Variants in TRMT9B observed in about 807,000 individuals in gnomAD.
TRMT9B encodes probable tRNA methyltransferase 9B.
Under a neutral mutation model 11.5 loss-of-function variants are expected in TRMT9B, and 16 were observed. That is an observed-to-expected ratio of 1.39 (90% CI 0.94 to 2.11). The LOEUF is 2.11. Among genes scored for constraint, TRMT9B ranks in the 30% most tolerant of loss-of-function variants. The pLI is 0.00. For synonymous variants in TRMT9B, 274 were observed against 192.4 expected (o/e 1.42, Z -3.51); for missense variants, 941 against 553.8 (o/e 1.70, Z -7.02).
At chr8:12,999,733 A>T (rs996712764) in intron 2 of TRMT9B, among the ~76,000 whole-genome samples, 3 of 152,206 alleles carry the variant, frequency 2.0e-5, no homozygotes, top group Non-Finnish European at 4.4e-5. Context: ...AATACTTTAC[A>T]GCACATGACA....
chr8:12,956,761 A>G (rs1046247377), intron 1 of TRMT9B, among the ~76,000 whole-genome samples: 2 of 152,228 alleles, frequency 1.3e-5, no homozygotes, highest in African/African-American at 4.8e-5. Flanking sequence ...AATAGACATG[A>G]CTTGTTTATT....
At chr8:12,999,643 A>G (rs1189045633) in intron 2 of TRMT9B, among the ~76,000 whole-genome samples, 4 of 152,230 alleles carry the variant, frequency 2.6e-5, no homozygotes. Flanking sequence ...GCTAGATATT[A>G]TGGGCTAACC....
At chr8:12,995,564 TC>T (rs1808190439) in intron 2 of TRMT9B, among the ~76,000 whole-genome samples, 3 of 152,154 alleles carry the variant, frequency 2.0e-5, no homozygotes, top group African/African-American at 7.2e-5. Context: ...TCCTTGCACT[TC>T]CCCTGGTTTC....
intron 4 of TRMT9B, among the ~76,000 whole-genome samples, chr8:13,019,520 C>T (rs1789393832): frequency 6.6e-6 from 1 of 152,188 alleles, no homozygotes; most frequent in South Asian, 2.1e-4. Context: ...TCTCAAACTC[C>T]TGGCCTCAAG....
chr8:12,946,708 A>T (rs1251802351), intron 1 of TRMT9B, among the ~76,000 whole-genome samples: 1 of 152,204 alleles, frequency 6.6e-6, no homozygotes, highest in Non-Finnish European at 1.5e-5. Context: ...GGGAGATTAT[A>T]TAGAGAGAAA....
intron 3 of TRMT9B, among the ~76,000 whole-genome samples, chr8:13,008,125 C>G (rs1277242595): frequency 6.6e-6 from 1 of 152,180 alleles, no homozygotes; most frequent in Non-Finnish European, 1.5e-5. Flanking sequence ...AAGCTTGTTG[C>G]ATATGTGTTT....
At chr8:12,952,291 G>A (rs372629544) in intron 1 of TRMT9B, 1 of 382,026 alleles carries the variant, frequency 2.6e-6, no homozygotes, top group South Asian at 1.7e-5. Flanking sequence ...CCCGCCCGCA[G>A]GGAGGAGGGG....
At chr8:12,968,577 G>GT (rs1463024174) in intron 1 of TRMT9B, among the ~76,000 whole-genome samples, 13 of 152,206 alleles carry the variant, frequency 8.5e-5, no homozygotes, top group African/African-American at 3.1e-4. Context: ...TCTTAAGAGA[G>GT]TGACATTTGG....
chr8:12,967,777 G>A (rs1803023567), intron 1 of TRMT9B, among the ~76,000 whole-genome samples: 1 of 152,214 alleles, frequency 6.6e-6, no homozygotes, highest in Non-Finnish European at 1.5e-5. Flanking sequence ...TGATCAGTGG[G>A]ACAAAGCTTA....
At chr8:12,993,787 C>T (rs979312299) in intron 2 of TRMT9B, among the ~76,000 whole-genome samples, 9 of 152,198 alleles carry the variant, frequency 5.9e-5, no homozygotes, top group African/African-American at 2.2e-4. Context: ...CACTGGGGTA[C>T]ATGCTGTGAT....
chr8:13,022,024 A>C lies in TRMT9B; in HGVS notation c.1345A>C (p.Lys449Gln). The C allele has an allele frequency of 6.3e-7, 1 of 1,594,808 alleles. No homozygotes were observed. The highest frequency in any genetic ancestry group is 8.5e-7 in the Non-Finnish European group (1 of 1,172,030). ...DHGNWCIIAE[K>Q]KRGCD is the part of the protein sequence containing the mutation. ...TGGTAACTGGTGTATCATTGCAGAG[A>C]AAAAGAGAGGTTGTGATTGATTGGA... Residue 449 changes from lysine (K) to glutamine (Q), a missense_variant, in exon 5 of 5, where the codon AAA (lysine) becomes CAA (glutamine). By Grantham distance (53) the Lys-to-Gln change is moderately conservative (BLOSUM62 1). Transcript: ENST00000524591.
chr8:12,998,489 T>C (rs2128883783), intron 2 of TRMT9B, among the ~76,000 whole-genome samples: 1 of 152,292 alleles, frequency 6.6e-6, no homozygotes, highest in African/African-American at 2.4e-5. Context: ...AAACTCAAGA[T>C]AGAGGTAATA....
At position 12,976,963 on chromosome 8, in the gene TRMT9B, G is replaced by C. The variant is rs141216822; in HGVS notation, c.-199-13871G>C. Among the ~76,000 whole-genome samples the C allele has an allele frequency of 7.8e-4, 119 of 152,316 alleles. No individual in the cohort carries two copies. The East Asian group carries it at 0.02, about 25-fold the overall frequency. ...CTCCTGCTGCCTCCTCCCAAATCCT[G>C]CCTATGCCTGCTCATGCCCCAGATG... On this transcript the variant is annotated intron_variant, in intron 1 of 4. Transcript: ENST00000524591.
Position 13,012,431 on chromosome 8 carries a change from C to T in TRMT9B, c.155-253C>T, listed in dbSNP as rs574287639. The T allele has an allele frequency of 2.6e-4, 117 of 454,394 alleles. 1 individual carries two copies. Among genetic ancestry groups the T allele is most frequent in the African/African-American group, 2.2e-3 (106 of 47,888 alleles). 28.1% of individuals were successfully genotyped at this position (454,394 alleles called of 1,614,324 possible). ...TCTCTACTAAAAATACAAAATTATC[C>T]GGTCATGGTGGCACGCGCCTATGAT... On this transcript the variant is annotated intron_variant, in intron 3 of 4. Coordinates refer to ENST00000524591, the MANE Select transcript of TRMT9B (RefSeq NM_020844.3).
At chr8:12,960,989 A>C (rs901559196) in intron 1 of TRMT9B, among the ~76,000 whole-genome samples, 3 of 152,118 alleles carry the variant, frequency 2.0e-5, no homozygotes, top group Non-Finnish European at 4.4e-5. Flanking sequence ...AAAAATACAA[A>C]AATTAGCTGG....
chr8:13,006,853 G>C (rs1386743655), intron 3 of TRMT9B: 2 of 202,298 alleles, frequency 9.9e-6, no homozygotes, highest in African/African-American at 4.6e-5. Context: ...ATTTTTAGTA[G>C]AAACGGGGTT....
At chr8:12,978,498 A>C (rs1319875798) in intron 1 of TRMT9B, among the ~76,000 whole-genome samples, 3 of 68,906 alleles carry the variant, frequency 4.4e-5, no homozygotes, top group Middle Eastern at 7.8e-3. Context: ...CGACAGAGAG[A>C]TAGACAGATG....
At chr8:12,963,664 G>T (rs2128864323) in intron 1 of TRMT9B, among the ~76,000 whole-genome samples, 1 of 152,160 alleles carries the variant, frequency 6.6e-6, no homozygotes, top group African/African-American at 2.4e-5. Flanking sequence ...AGAGAGGATT[G>T]CTTGAGCCTT....
rs776320759 is a variant in TRMT9B at position 13,021,529 on chromosome 8, G to T, written c.850G>T (p.Val284Phe). 2 of 1,613,896 alleles carry T rather than the reference G, an allele frequency of 1.2e-6. No homozygotes were observed. The highest frequency in any genetic ancestry group is 2.2e-5 in the East Asian group (1 of 44,874). ...AGTTTGGGCCAGTAGCACTGTAACA[G>T]TCCAGCCTTCCAGACACTCTAGTTT... The part of the protein sequence containing the change: ...TEVWASSTVT[V>F]QPSRHSSLDF... The change falls in exon 5 of 5, where the codon GTC becomes TTC. Residue 284 changes from valine to phenylalanine, a missense_variant. Physicochemically the swap from Val to Phe is conservative, Grantham distance 50. Coordinates refer to ENST00000524591, the MANE Select transcript of TRMT9B (RefSeq NM_020844.3).
Sources: gnomAD v4.1 joint callset for allele counts (sites outside exome capture counted in the v4.1 genomes callset) on GRCh38, gnomAD v4.1.1 for gene constraint, MANE v1.5 for transcripts, NCBI Gene and HGNC (gene_info 2026-07-23, HGNC 2026-07-21) for gene names.